Variants in FBRS observed in about 807,000 individuals in gnomAD.
The protein encoded by FBRS is probable fibrosin-1.
Under a neutral mutation model 86.1 loss-of-function variants are expected in FBRS, and 15 were observed. That is an observed-to-expected ratio of 0.17 (90% CI 0.12 to 0.27). FBRS has a LOEUF of 0.27. FBRS is among the 10% of genes least tolerant of loss of function. The probability of loss-of-function intolerance (pLI) is 1.00; values close to 1 mark genes in which losing one functional copy is unlikely to be tolerated. For missense variants in FBRS, 1,367 were observed against 1,301.6 expected (o/e 1.05, Z -0.77); for synonymous variants, 666 against 575.8 (o/e 1.16, Z -2.24).
At chr16:30,660,110 G>T (rs2052438712) in intron 1 of FBRS, 133 bp downstream of exon 1, 1 of 1,436,320 alleles carries the variant, frequency 7.0e-7, no homozygotes. Context: ...CTCTGGCCAG[G>T]CCTCTGCCCC....
At chr16:30,667,721 G>A in intron 15 of FBRS, 99 bp downstream of exon 15, 1 of 1,090,874 alleles carries the variant, frequency 9.2e-7, no homozygotes. Flanking sequence ...GGATAGACCT[G>A]GTTCCACTTG....
rs866815243 is a variant in FBRS at position 30,659,972 on chromosome 16, T to C, written c.454T>C (p.Leu152=). ...AIASFATLEA[L]QKDASLQPPE... Reference sequence around the variant, plus strand: ...CGCCAGCTTCGCCACCCTCGAGGCCTTGCAGGTGGGGCCTAATGGGGCTAG... The same window carrying C: ...CGCCAGCTTCGCCACCCTCGAGGCCCTGCAGGTGGGGCCTAATGGGGCTAG... The change falls in exon 1 of 18, where the codon TTG becomes CTG. Residue 152 remains leucine, a synonymous_variant. Coordinates refer to ENST00000356166, the MANE Select transcript of FBRS (RefSeq NM_001105079.3). 1 of 1,549,656 alleles carries C rather than the reference T, an allele frequency of 6.5e-7. No homozygotes were observed. Among genetic ancestry groups the C allele is most frequent in the African/African-American group, 1.4e-5 (1 of 72,966 alleles).
intron 15 of FBRS, 174 bp from the exon 16 acceptor site, chr16:30,668,386 A>T (rs1418794311): frequency 1.6e-6 from 1 of 609,440 alleles, no homozygotes; most frequent in African/African-American, 1.9e-5. Flanking sequence ...GTTAACCGAC[A>T]GGGTGCTTGT....
chr16:30,661,701 T>C (rs1432656239), intron 4 of FBRS, among the ~76,000 whole-genome samples: 1 of 152,118 alleles, frequency 6.6e-6, no homozygotes, highest in Non-Finnish European at 1.5e-5. Context: ...AGACCGCAGA[T>C]AGAGTAGTGA....
Position 30,669,174 on chromosome 16 carries a change from G to A in FBRS, c.2472G>A (p.Lys824=), listed in dbSNP as rs1193467920. ...CAACCAAGGAATCTGTGCGGGTAAA[G>A]GAAGAGCGGAAGGAGGAGGCTGCCG... ...PRPTKESVRV[K]EERKEEAAAA... Residue 824 remains lysine, a synonymous_variant, in exon 18 of 18, where the codon AAG becomes AAA. Transcript: ENST00000356166. This position sits in a 1 kb window ranked among gnomAD's most constrained non-coding sequence, Gnocchi z 5.9. 1 of 1,552,858 alleles carries A rather than the reference G, an allele frequency of 6.4e-7. No individual in the cohort carries two copies. Among genetic ancestry groups the A allele is most frequent in the Non-Finnish European group, 8.7e-7 (1 of 1,148,690 alleles).
At position 30,668,968 on chromosome 16, in the gene FBRS, G is replaced by T. The variant is rs200130245; in HGVS notation, c.2355G>T (p.Glu785Asp). The change falls in exon 17 of 18, where the codon GAG becomes GAT. Residue 785 changes from glutamate to aspartate, a missense_variant. Transcript: ENST00000356166. ...VERREPSITK[E>D]EKDRDLPFSR... ...GGAGGGAGCCCTCCATCACCAAGGA[G>T]GAGAAGGACAGGTGTGCCTCCCACC... is the stretch of plus-strand genomic sequence containing the variant. The T allele has an allele frequency of 5.7e-6, 9 of 1,580,858 alleles. No individual in the cohort carries two copies. In the East Asian group the frequency reaches 1.6e-4, roughly 28 times the overall value.
Position 30,669,654 on chromosome 16 carries a change from G to GT in FBRS, c.*9_*10insT, listed in dbSNP as rs766803671. On this transcript the variant is annotated 3_prime_UTR_variant, in exon 18 of 18. Coordinates refer to ENST00000356166, the MANE Select transcript of FBRS (RefSeq NM_001105079.3). The surrounding 1 kb of genome is among the most constrained non-coding windows in gnomAD (Gnocchi z 5.9). ...CTCGGGCTGACAGGTGAGGGGAACG[G>GT]GGGGGGGTCGGGGCAAAGCTCCATC... 3.2e-6 allele frequency: 5 copies of GT among 1,578,342 alleles called. No individual in the cohort carries two copies. The South Asian group carries it at 5.6e-5, about 18-fold the overall frequency.
intron 13 of FBRS, 73 bp downstream of exon 13, chr16:30,667,063 C>T: frequency 7.1e-7 from 1 of 1,414,334 alleles, no homozygotes; most frequent in Non-Finnish European, 9.8e-7. Flanking sequence ...CATTGGCCCT[C>T]AACAGAGCTC....
rs1191520027 is a variant in FBRS, at chr16:30,666,902, T to C, written c.1804-17T>C. ...CTTTCCTTCCCTTTCCCTTTGGTCA[T>C]CCTTCTGGGGCGGCAGAAACCAGGG... is the stretch of plus-strand genomic sequence containing the variant. On this transcript the variant is annotated splice_polypyrimidine_tract_variant and intron_variant, in intron 12 of 17. Transcript: ENST00000356166. 6.2e-7 allele frequency: 1 copy of C among 1,609,704 alleles called. No homozygotes were observed. Among genetic ancestry groups the C allele is most frequent in the Admixed American group, 1.7e-5 (1 of 59,236 alleles).
intron 4 of FBRS, 35 bp from the exon 5 acceptor site, chr16:30,662,385 A>G: frequency 6.5e-7 from 1 of 1,549,758 alleles, no homozygotes; most frequent in Non-Finnish European, 8.7e-7. Context: ...TGGCCCACCC[A>G]CAACCTAACT....
Position 30,665,737 on chromosome 16 carries a change from C to T in FBRS, c.1773+31C>T. 1 of 1,557,978 alleles carries T rather than the reference C, an allele frequency of 6.4e-7. No homozygotes were observed. Among genetic ancestry groups the T allele is most frequent in the Non-Finnish European group, 8.7e-7 (1 of 1,149,334 alleles). ...GGGGCCAGGGCAGGTCCTGGGGGAG[C>T]TGGAAGGTGTGTTGCGGGGAGAACA... On this transcript the variant is annotated intron_variant, in intron 11 of 17. Coordinates refer to ENST00000356166, the MANE Select transcript of FBRS (RefSeq NM_001105079.3). This position sits in a 1 kb window ranked among gnomAD's most constrained non-coding sequence, Gnocchi z 4.1.
Position 30,664,436 on chromosome 16 carries a change from CTG to C in FBRS, c.1278_1279del (p.Gly427ProfsTer22). 7.0e-7 allele frequency: 1 copy of C among 1,430,326 alleles called. No individual in the cohort carries two copies. Among genetic ancestry groups the C allele is most frequent in the Non-Finnish European group, 9.2e-7 (1 of 1,081,900 alleles). 88.6% of individuals were successfully genotyped at this position (1,430,326 alleles called of 1,614,324 possible). A position where few individuals can be genotyped will look rare whatever the true frequency, so the allele number is the denominator to read the frequency against. ...CCCCACCACCCCTCCTTGTTCTCCCCTGGCCCCACCCTGCCCCCACCCCCACC... is the reference window on the plus strand; with the variant it reads ...CCCCACCACCCCTCCTTGTTCTCCCCGCCCCACCCTGCCCCCACCCCCACC... On this transcript the variant is annotated frameshift_variant, in exon 7 of 18. Transcript: ENST00000356166. LOFTEE classifies it high-confidence loss of function.
Position 30,659,773 on chromosome 16 carries a change from T to C in FBRS, c.255T>C (p.Arg85=). 1 of 1,469,574 alleles carries C rather than the reference T, an allele frequency of 6.8e-7. No individual in the cohort carries two copies. The highest frequency in any genetic ancestry group is 9.0e-7 in the Non-Finnish European group (1 of 1,109,024). 91.0% of individuals were successfully genotyped at this position (1,469,574 alleles called of 1,614,324 possible). ...GGGGCCCGAGACGCCGGCGGCCCCG[T>C]CCGAGACCTCGACCCCCGCGACCCC... ...RPGGPRRRRP[R]PRPRPPRPRA... Residue 85 remains arginine (R), a synonymous_variant, in exon 1 of 18, where the codon CGT becomes CGC. Transcript: ENST00000356166.
chr16:30,660,670 C>G (rs2052449205), intron 2 of FBRS: 3 of 661,068 alleles, frequency 4.5e-6, no homozygotes, highest in Non-Finnish European at 6.6e-6. Context: ...TTTGATAATT[C>G]AGAGAGGCGT....
rs766762930 is a variant in FBRS, at chr16:30,662,707, A to G, written c.903A>G (p.Pro301=). Residue 301 remains proline, a synonymous_variant, in exon 6 of 18, where the codon CCA becomes CCG. Transcript: ENST00000356166. ...VPFPPKEPPP[P]PVPRPPVSPP... Reference sequence around the variant, plus strand: ...TCCCCCCAAAGGAACCACCGCCTCCACCGGTCCCTCGGCCTCCTGTCTCAC... The same window carrying G: ...TCCCCCCAAAGGAACCACCGCCTCCGCCGGTCCCTCGGCCTCCTGTCTCAC... The G allele has an allele frequency of 7.1e-6, 11 of 1,547,770 alleles. No individual in the cohort carries two copies. Among genetic ancestry groups the G allele is most frequent in the Middle Eastern group, 3.3e-4 (2 of 5,992 alleles).
chr16:30,662,264 C>T (rs2052470935), intron 4 of FBRS, 156 bp from the exon 5 acceptor site: 13 of 1,170,662 alleles, frequency 1.1e-5, no homozygotes, highest in African/African-American at 3.1e-5. Context: ...AAGCTCAGCC[C>T]CCTAGAGCCC....
At position 30,661,197 on chromosome 16, in the gene FBRS, T is replaced by C. The variant is rs1487823755; in HGVS notation, c.657T>C (p.Ser219=). 1.3e-6 allele frequency: 2 copies of C among 1,550,680 alleles called. No homozygotes were observed. The highest frequency in any genetic ancestry group is 2.0e-5 in the Admixed American group (1 of 50,996). Residue 219 remains serine (S), a synonymous_variant, in exon 3 of 18, where the codon TCT becomes TCC. Coordinates refer to ENST00000356166, the MANE Select transcript of FBRS (RefSeq NM_001105079.3). ...TTCCTCAGGCGTCCTCCCGTCACTC[T>C]CTGGAAGCTGGATACATAGTAAGTG... ...RRRKEASSRH[S]LEAGYICDAE... is the part of the protein sequence containing the mutation.
intron 11 of FBRS, chr16:30,666,189 C>T (rs892588330): frequency 6.1e-6 from 3 of 490,228 alleles, no homozygotes. Flanking sequence ...GGCATTTTCC[C>T]TAAATAAATC....
rs1207259165 is a variant in FBRS, at chr16:30,664,536, C to CG, written c.1357+26dup. On this transcript the variant is annotated intron_variant, in intron 7 of 17. Transcript: ENST00000356166. ...TTTCTGGTGAGTTTGGGGTCCTGGC[C>CG]GGGGGGTGGGGGGCCATCACCCCGG... is the stretch of plus-strand genomic sequence containing the variant. The CG allele has an allele frequency of 1.4e-6, 2 of 1,423,206 alleles. No homozygotes were observed. The highest frequency in any genetic ancestry group is 1.4e-5 in the African/African-American group (1 of 69,108). 88.2% of individuals were successfully genotyped at this position (1,423,206 alleles called of 1,614,324 possible).
Sources: allele counts gnomAD v4.1 joint callset (sites outside exome capture counted in the v4.1 genomes callset), GRCh38; gene constraint gnomAD v4.1.1; non-coding constraint Gnocchi (gnomAD v3.1); transcripts MANE v1.5; gene names NCBI Gene and HGNC (gene_info 2026-07-23, HGNC 2026-07-21).